Variants in FRRS1L observed in about 807,000 individuals in gnomAD.
The protein encoded by FRRS1L is ferric chelate reductase 1 like.
FRRS1L carries 22 observed loss-of-function variants against 28.6 expected under a neutral mutation model. The observed-to-expected ratio is 0.77, with a 90% CI of 0.55 to 1.10. FRRS1L has a LOEUF of 1.10. Among genes scored for constraint, FRRS1L ranks in the 50% least tolerant of loss-of-function variants. The pLI, the probability that FRRS1L is intolerant of heterozygous loss-of-function variation, is 0.00. For missense variants in FRRS1L, 380 were observed against 386.9 expected, an observed-to-expected ratio of 0.98 and a Z score of 0.15; for synonymous variants, 158 against 151.4, an observed-to-expected ratio of 1.04 and a Z score of -0.32.
At chr9:109,148,354 G>A (rs1027212000) in intron 2 of FRRS1L, 1 of 152,118 alleles carries the variant, frequency 6.6e-6, no homozygotes, top group African/African-American at 2.4e-5. Flanking sequence ...AACAATATAA[G>A]GTGATTATCC....
At chr9:109,155,720 A>AAAAAG (rs1831395646) in intron 1 of FRRS1L, among the ~76,000 whole-genome samples, 6 of 150,832 alleles carry the variant, frequency 4.0e-5, no homozygotes, top group African/African-American at 4.9e-5. Flanking sequence ...AAAAAAAAAA[A>AAAAAG]GTCCAGGATA....
At chr9:109,141,250 G>T in intron 4 of FRRS1L, 93 bp downstream of exon 4, 1 of 1,403,108 alleles carries the variant, frequency 7.1e-7, no homozygotes, top group Non-Finnish European at 1.0e-6. Context: ...AGTGCTTATC[G>T]CTCTCTTGTG....
chr9:109,163,796 G>A (rs1265565311), intron 1 of FRRS1L, among the ~76,000 whole-genome samples: 1 of 152,208 alleles, frequency 6.6e-6, no homozygotes, highest in East Asian at 1.9e-4. Flanking sequence ...AACCTCAAGT[G>A]TATTGATAGA....
chr9:109,147,309 T>C (rs560457525), intron 2 of FRRS1L, 120 bp from the exon 3 acceptor site: 50 of 831,732 alleles, frequency 6.0e-5, no homozygotes, highest in Non-Finnish European at 9.2e-5. Context: ...GGATTTTTGC[T>C]ACCTGGAATC....
intron 1 of FRRS1L, among the ~76,000 whole-genome samples, chr9:109,162,976 C>A (rs9697071): frequency 1.3e-5 from 2 of 152,170 alleles, no homozygotes; most frequent in African/African-American, 4.8e-5. Context: ...TCTTTTCCTT[C>A]TTAGGCAGGG....
chr9:109,143,800 C>T (rs111911685), intron 3 of FRRS1L, among the ~76,000 whole-genome samples: 13 of 151,990 alleles, frequency 8.6e-5, no homozygotes, highest in East Asian at 3.9e-4. Context: ...TGAGCCACTG[C>T]GCCCGGCTAA....
At chr9:109,160,984 T>G (rs1831474116) in intron 1 of FRRS1L, among the ~76,000 whole-genome samples, 3 of 151,918 alleles carry the variant, frequency 2.0e-5, no homozygotes, top group African/African-American at 7.3e-5. Flanking sequence ...TAGAGACAGG[T>G]TTCACCATGT....
At chr9:109,163,444 T>G (rs1831503677) in intron 1 of FRRS1L, among the ~76,000 whole-genome samples, 1 of 152,148 alleles carries the variant, frequency 6.6e-6, no homozygotes, top group Middle Eastern at 3.2e-3. Context: ...TAGTATAGGC[T>G]TAGACAGTGG....
At chr9:109,147,414 T>A (rs2118482972) in intron 2 of FRRS1L, 1 of 485,926 alleles carries the variant, frequency 2.1e-6, no homozygotes, top group East Asian at 3.4e-5. Context: ...GGAAGGGGCT[T>A]GCCCGAGGTT....
intron 1 of FRRS1L, among the ~76,000 whole-genome samples, chr9:109,162,728 A>C (rs150151198): frequency 6.6e-4 from 101 of 152,368 alleles, no homozygotes; most frequent in African/African-American, 2.2e-3. Flanking sequence ...CTTCCAGATT[A>C]GTAGAGTGGT....
At chr9:109,152,204 A>C (rs10114604) in intron 1 of FRRS1L, 148,073 of 152,138 alleles carry the variant, frequency 0.97, 72,098 homozygotes, top group East Asian at 1. Context: ...GGCTGGAGTG[A>C]AGTGGCATAA....
At chr9:109,160,247 T>A (rs1831463665) in intron 1 of FRRS1L, among the ~76,000 whole-genome samples, 1 of 152,072 alleles carries the variant, frequency 6.6e-6, no homozygotes, top group Non-Finnish European at 1.5e-5. Context: ...GCAAATCAAT[T>A]CCAGATGAGT....
chr9:109,152,128 G>C (rs1399295132), intron 1 of FRRS1L: 1 of 151,820 alleles, frequency 6.6e-6, no homozygotes, highest in Middle Eastern at 3.2e-3. Flanking sequence ...ATAAATACCA[G>C]TTACTATTAC....
intron 1 of FRRS1L, among the ~76,000 whole-genome samples, chr9:109,155,520 C>G (rs891599536): frequency 6.6e-6 from 1 of 151,930 alleles, no homozygotes; most frequent in Non-Finnish European, 1.5e-5. Flanking sequence ...TCGAGACCAG[C>G]CTGGCCAACA....
chr9:109,159,446 C>T (rs12347865), intron 1 of FRRS1L, among the ~76,000 whole-genome samples: 8,379 of 152,162 alleles, frequency 0.055, 368 homozygotes, highest in East Asian at 0.13. Context: ...GTGGGTGGAT[C>T]ACGAGGTCAG....
chr9:109,142,619 G>C (rs1026894309), intron 3 of FRRS1L, among the ~76,000 whole-genome samples: 6 of 152,132 alleles, frequency 3.9e-5, no homozygotes, highest in African/African-American at 1.2e-4. Flanking sequence ...TTCAAGACCA[G>C]TCTAGGCAAT....
intron 3 of FRRS1L, among the ~76,000 whole-genome samples, chr9:109,142,027 C>G (rs909374207): frequency 2.7e-5 from 4 of 150,654 alleles, no homozygotes; most frequent in Non-Finnish European, 5.9e-5. Context: ...CTAGGTGTTC[C>G]TACATAGAAA....
intron 1 of FRRS1L, among the ~76,000 whole-genome samples, chr9:109,162,033 A>C (rs536850252): frequency 9.2e-5 from 14 of 152,278 alleles, no homozygotes; most frequent in African/African-American, 3.4e-4. Context: ...ACCCAACTCT[A>C]GGCCAGACAT....
chr9:109,141,243 G>A, intron 4 of FRRS1L, 100 bp downstream of exon 4: 1 of 1,316,282 alleles, frequency 7.6e-7, no homozygotes. Context: ...GATCCAGAGT[G>A]CTTATCGCTC....
Sources: allele counts gnomAD v4.1 joint callset (sites outside exome capture counted in the v4.1 genomes callset), GRCh38; gene constraint gnomAD v4.1.1; transcripts MANE v1.5; gene names NCBI Gene and HGNC (gene_info 2026-07-23, HGNC 2026-07-21).